MBNL3: variants seen among roughly 807,000 people sequenced by gnomAD.
MBNL3 encodes the protein muscleblind like splicing regulator 3.
Under a neutral mutation model 24.5 loss-of-function variants are expected in MBNL3, and 6 were observed. The ratio of observed to expected loss-of-function variants is 0.25; its 90% confidence interval spans 0.13 to 0.48. The LOEUF (loss-of-function observed/expected upper bound fraction) is 0.48. MBNL3 is among the 20% of genes least tolerant of loss of function. The probability of loss-of-function intolerance (pLI) is 0.99; values close to 1 mark genes in which losing one functional copy is unlikely to be tolerated. For missense variants in MBNL3, 230 were observed against 293.5 expected, an observed-to-expected ratio of 0.78 and a Z score of 1.58; for synonymous variants, 100 against 101.7, an observed-to-expected ratio of 0.98 and a Z score of 0.10.
intron 3 of MBNL3, among the ~76,000 whole-genome samples, chrX:132,395,632 C>G (rs1456291555): frequency 1.8e-5 from 2 of 111,442 alleles, no homozygotes; most frequent in African/African-American, 6.5e-5. Context: ...TTAGCTCCTA[C>G]AGTAGAAATT....
At chrX:132,445,554 A>G (rs967403842) in intron 1 of MBNL3, among the ~76,000 whole-genome samples, 3 of 111,231 alleles carry the variant, frequency 2.7e-5, no homozygotes, top group Admixed American at 9.6e-5. Context: ...AGTAAATTCC[A>G]TATGTCTTTT....
At chrX:132,439,328 T>G in intron 2 of MBNL3, 107 bp downstream of exon 2, 4 of 918,641 alleles carry the variant, frequency 4.4e-6, no homozygotes, top group Non-Finnish European at 4.3e-6. Flanking sequence ...AAAACAAAAT[T>G]TATCACTTTC....
At position 132,445,226 on chromosome X, in the gene MBNL3, T is replaced by C. The variant is rs183472480; in HGVS notation, c.-703-4912A>G. On this transcript the variant is annotated intron_variant, in intron 1 of 8. Transcript: ENST00000370853. ...GTCATTTATTTTGGCTCTACAAATA[T>C]ATGACACACCTGCCATACACTGCTT... Among the ~76,000 whole-genome samples, 127 of 112,024 alleles carry C rather than the reference T, an allele frequency of 1.1e-3. 1 individual carries two copies. Among genetic ancestry groups the C allele is most frequent in the African/African-American group, 3.7e-3 (115 of 30,928 alleles).
chrX:132,416,095 C>A (rs767959824), intron 2 of MBNL3, among the ~76,000 whole-genome samples: 2 of 111,574 alleles, frequency 1.8e-5, no homozygotes, highest in Non-Finnish European at 3.8e-5. Flanking sequence ...CAAAGAGATG[C>A]ACCCCTGTGT....
At chrX:132,442,286 T>C (rs1342750245) in intron 1 of MBNL3, among the ~76,000 whole-genome samples, 1 of 112,198 alleles carries the variant, frequency 8.9e-6, no homozygotes, top group African/African-American at 3.2e-5. Context: ...TGTTATGTAT[T>C]TTTTAAAAAG....
intron 3 of MBNL3, among the ~76,000 whole-genome samples, chrX:132,396,105 T>C (rs940846429): frequency 9.1e-6 from 1 of 109,351 alleles, no homozygotes; most frequent in Non-Finnish European, 1.9e-5. Context: ...AATTTCATTG[T>C]GCTCATTAGT....
chrX:132,433,217 T>C (rs1190367962), intron 2 of MBNL3, among the ~76,000 whole-genome samples: 1 of 111,923 alleles, frequency 8.9e-6, no homozygotes, highest in Non-Finnish European at 1.9e-5. Flanking sequence ...CAACTGGCCA[T>C]GGCAACTGTA....
chrX:132,399,566 A>G (rs1457467741), intron 3 of MBNL3, among the ~76,000 whole-genome samples: 1 of 110,682 alleles, frequency 9.0e-6, no homozygotes, highest in African/African-American at 3.3e-5. Context: ...GTAATTCACA[A>G]TGTGTATAAT....
At chrX:132,403,103 G>C (rs1941213027) in intron 3 of MBNL3, among the ~76,000 whole-genome samples, 2 of 111,720 alleles carry the variant, frequency 1.8e-5, no homozygotes, top group Non-Finnish European at 3.8e-5. Flanking sequence ...GTTTGAGGGA[G>C]AGTAGGTACC....
intron 1 of MBNL3, among the ~76,000 whole-genome samples, chrX:132,458,208 T>C (rs915889975): frequency 3.6e-5 from 4 of 110,995 alleles, no homozygotes; most frequent in African/African-American, 1.3e-4. Context: ...CAGTCCCTCA[T>C]GTTTACATTT....
chrX:132,452,559 TGGTAGCA>T (rs2148477475), intron 1 of MBNL3, among the ~76,000 whole-genome samples: 1 of 112,662 alleles, frequency 8.9e-6, no homozygotes, highest in South Asian at 3.7e-4. Context: ...TTCAAGTGAG[TGGTAGCA>T]GGTGAGGACT....
chrX:132,448,181 CT>C (rs1390549702), intron 1 of MBNL3, among the ~76,000 whole-genome samples: 4 of 111,338 alleles, frequency 3.6e-5, no homozygotes, highest in African/African-American at 1.3e-4. Flanking sequence ...ATTAGTCCCT[CT>C]TTTTCTTTTG....
chrX:132,380,499 C>T (rs777008627), intron 8 of MBNL3, among the ~76,000 whole-genome samples: 6 of 111,245 alleles, frequency 5.4e-5, no homozygotes, highest in East Asian at 2.8e-4. Context: ...AATGTCCAGT[C>T]GGCTATCTGC....
chrX:132,479,479 T>C (rs1358320852), intron 1 of MBNL3, among the ~76,000 whole-genome samples: 1 of 112,175 alleles, frequency 8.9e-6, no homozygotes, highest in Non-Finnish European at 1.9e-5. Flanking sequence ...TTTTGAAATA[T>C]ATATTTTTTT....
At chrX:132,457,506 A>G (rs192276913) in intron 1 of MBNL3, among the ~76,000 whole-genome samples, 148 of 111,123 alleles carry the variant, frequency 1.3e-3, no homozygotes, top group Non-Finnish European at 1.4e-3. Flanking sequence ...GGGCATTTAC[A>G]TTTATACTGA....
At position 132,373,352 on chromosome X, in the gene MBNL3, C is replaced by T. The variant is rs1326325370; in HGVS notation, c.*6314G>A. 3 of 111,634 alleles carry T rather than the reference C, an allele frequency of 2.7e-5. No individual in the cohort carries two copies. The highest frequency in any genetic ancestry group is 5.7e-5 in the Non-Finnish European group (3 of 53,000). 9.2% of individuals were successfully genotyped at this position (111,634 alleles called of 1,213,427 possible). On this transcript the variant is annotated 3_prime_UTR_variant, in exon 9 of 9. Transcript: ENST00000370853. ...TTGGGAAATTATGTTGGAGATAAGG[C>T]TGAAGTTGGAGTTCCTAACTACAGA...
chrX:132,452,192 C>T (rs1201095431), intron 1 of MBNL3, among the ~76,000 whole-genome samples: 1 of 111,894 alleles, frequency 8.9e-6, no homozygotes, highest in Non-Finnish European at 1.9e-5. Context: ...AGCTGAAAAC[C>T]TGGATCCTAA....
intron 2 of MBNL3, among the ~76,000 whole-genome samples, chrX:132,414,915 T>C (rs1943154744): frequency 1.8e-5 from 2 of 111,444 alleles, no homozygotes; most frequent in Non-Finnish European, 3.8e-5. Context: ...TCCCAAAAGC[T>C]AACAAGATGG....
intron 1 of MBNL3, among the ~76,000 whole-genome samples, chrX:132,473,501 G>A (rs1385894767): frequency 8.9e-6 from 1 of 111,769 alleles, no homozygotes; most frequent in Admixed American, 9.5e-5. Context: ...AATCTACTTT[G>A]ATTCCTATTG....
Sources: allele counts gnomAD v4.1 joint callset (sites outside exome capture counted in the v4.1 genomes callset), GRCh38; gene constraint gnomAD v4.1.1; transcripts MANE v1.5; gene names NCBI Gene and HGNC (gene_info 2026-07-23, HGNC 2026-07-21).